CSNK1G3: variants seen among roughly 807,000 people sequenced by gnomAD.
The protein encoded by CSNK1G3 is casein kinase 1 gamma 3, also known as casein kinase I isoform gamma-3.
In CSNK1G3, 23 loss-of-function variants were observed where a neutral mutation model predicts 64.3. The observed-to-expected ratio is 0.36, with a 90% CI of 0.26 to 0.51. The LOEUF is 0.51. Among genes scored for constraint, CSNK1G3 ranks in the 20% least tolerant of loss-of-function variants. The probability of loss-of-function intolerance (pLI) is 0.96; values close to 1 mark genes in which losing one functional copy is unlikely to be tolerated. For synonymous variants in CSNK1G3, 158 were observed against 162.2 expected (o/e 0.97, Z 0.20); for missense variants, 357 against 510.5 (o/e 0.70, Z 2.90).
intron 1 of CSNK1G3, among the ~76,000 whole-genome samples, chr5:123,524,088 C>T (rs1438463489): frequency 6.6e-6 from 1 of 152,228 alleles, no homozygotes; most frequent in Non-Finnish European, 1.5e-5. Context: ...TCTTACTTCT[C>T]TGAGGTGGAG....
chr5:123,522,533 G>A (rs1047139827), intron 1 of CSNK1G3, among the ~76,000 whole-genome samples: 8 of 151,806 alleles, frequency 5.3e-5, no homozygotes, highest in African/African-American at 1.9e-4. Context: ...AAATCTGAGG[G>A]TGTGGCCAGG....
intron 2 of CSNK1G3, among the ~76,000 whole-genome samples, chr5:123,551,358 T>C (rs1248964163): frequency 2.6e-5 from 4 of 152,010 alleles, no homozygotes; most frequent in African/African-American, 9.7e-5. Flanking sequence ...TGACTAAAAA[T>C]ATGAAATATT....
At chr5:123,603,129 G>A (rs1354681212) in intron 10 of CSNK1G3, among the ~76,000 whole-genome samples, 1 of 152,024 alleles carries the variant, frequency 6.6e-6, no homozygotes, top group African/African-American at 2.4e-5. Context: ...AAAGTGTCCT[G>A]AATACATTTT....
chr5:123,559,523 A>T (rs1785270702), intron 4 of CSNK1G3, among the ~76,000 whole-genome samples: 1 of 152,182 alleles, frequency 6.6e-6, no homozygotes, highest in Admixed American at 6.5e-5. Context: ...CACCATTTAC[A>T]GGGTAGTCTC....
intron 10 of CSNK1G3, among the ~76,000 whole-genome samples, chr5:123,601,493 T>G (rs1186166487): frequency 6.6e-6 from 1 of 152,192 alleles, no homozygotes; most frequent in African/African-American, 2.4e-5. Context: ...AAGGAAGATG[T>G]TGCTTCCTTC....
intron 1 of CSNK1G3, among the ~76,000 whole-genome samples, chr5:123,538,912 A>G (rs1781249050): frequency 6.6e-6 from 1 of 152,190 alleles, no homozygotes; most frequent in African/African-American, 2.4e-5. Context: ...AGCGTCTTCT[A>G]AGAAATTTTT....
chr5:123,564,040 G>C (rs1786319416), intron 4 of CSNK1G3, among the ~76,000 whole-genome samples: 2 of 151,946 alleles, frequency 1.3e-5, no homozygotes, highest in African/African-American at 4.8e-5. Context: ...ATTCTTTAAA[G>C]TTAGAGATCT....
In CSNK1G3 at chr5:123,575,719, T is replaced by G. The variant is rs756818112; in HGVS notation, c.439-10T>G. ...AAATAAAACTTCTCTTCTTTTTTTC[T>G]TAAACCAAGATTTCTCGCATGGAAT... On this transcript the variant is annotated splice_polypyrimidine_tract_variant and intron_variant, in intron 5 of 12. Coordinates refer to ENST00000345990, the Ensembl canonical transcript of CSNK1G3. The G allele has an allele frequency of 1.3e-6, 2 of 1,593,612 alleles. No individual in the cohort carries two copies. Among genetic ancestry groups the G allele is most frequent in the South Asian group, 2.2e-5 (2 of 89,604 alleles).
chr5:123,512,489 C>A (rs1776348262), exon 1 of CSNK1G3: 1 of 152,038 alleles, frequency 6.6e-6, no homozygotes, highest in Non-Finnish European at 1.5e-5. Context: ...GTGCCGCCGC[C>A]GCTGCCCCCG....
chr5:123,577,976 A>G (rs1031092630), intron 6 of CSNK1G3, among the ~76,000 whole-genome samples: 3 of 151,770 alleles, frequency 2.0e-5, no homozygotes, highest in African/African-American at 4.8e-5. Flanking sequence ...GAACCATCCA[A>G]CTTCTTTTGG....
At chr5:123,590,432 T>C in exon 9 of CSNK1G3, 1 of 1,481,176 alleles carries the variant, frequency 6.8e-7, no homozygotes, top group South Asian at 1.4e-5. Context: ...CATATCTTCG[T>C]TATGTAAGAA....
chr5:123,614,483 A>G (rs1350150308), exon 13 of CSNK1G3: 3 of 1,134,622 alleles, frequency 2.6e-6, no homozygotes, highest in Admixed American at 2.6e-5. Flanking sequence ...GACCACGTAT[A>G]TTTTCAAGGA....
intron 1 of CSNK1G3, among the ~76,000 whole-genome samples, chr5:123,523,887 G>C (rs1165060218): frequency 1.3e-5 from 2 of 152,124 alleles, no homozygotes; most frequent in African/African-American, 2.4e-5. Flanking sequence ...TTTGATTATA[G>C]TGTGCTGTCC....
chr5:123,581,437 T>C (rs1790261980), intron 6 of CSNK1G3, among the ~76,000 whole-genome samples: 1 of 145,510 alleles, frequency 6.9e-6, no homozygotes, highest in Non-Finnish European at 1.5e-5. Context: ...TAGCTACTGC[T>C]GGCAACACTT....
At chr5:123,592,064 A>G (rs552616840) in intron 10 of CSNK1G3, among the ~76,000 whole-genome samples, 1 of 152,154 alleles carries the variant, frequency 6.6e-6, no homozygotes, top group African/African-American at 2.4e-5. Context: ...AGCTATATTT[A>G]AAAAGAGAAT....
At chr5:123,522,726 C>G (rs1241601028) in intron 1 of CSNK1G3, among the ~76,000 whole-genome samples, 1 of 151,604 alleles carries the variant, frequency 6.6e-6, no homozygotes, top group African/African-American at 2.4e-5. Context: ...AGTACAGATG[C>G]TTTTTTTTCC....
chr5:123,543,031 G>A (rs1448626841), intron 1 of CSNK1G3, among the ~76,000 whole-genome samples: 2 of 151,822 alleles, frequency 1.3e-5, no homozygotes, highest in Admixed American at 1.3e-4. Flanking sequence ...TCATCTTGGA[G>A]TCTGTCTCCT....
chr5:123,526,958 C>A (rs1779208390), intron 1 of CSNK1G3, among the ~76,000 whole-genome samples: 1 of 150,656 alleles, frequency 6.6e-6, no homozygotes, highest in South Asian at 2.1e-4. Flanking sequence ...GTGTGTTTAA[C>A]TTTGTAAGAA....
At chr5:123,588,076 A>G in exon 7 of CSNK1G3, 1 of 1,572,184 alleles carries the variant, frequency 6.4e-7, no homozygotes, top group Non-Finnish European at 8.6e-7. Context: ...AGAACAAAGT[A>G]GAAGAGACGA....
Sources: allele counts gnomAD v4.1 joint callset (sites outside exome capture counted in the v4.1 genomes callset), GRCh38; gene constraint gnomAD v4.1.1; transcripts MANE v1.5; gene names NCBI Gene and HGNC (gene_info 2026-07-23, HGNC 2026-07-21).